DNAJC6: variants seen among roughly 807,000 people sequenced by gnomAD.
DNAJC6 encodes DnaJ heat shock protein family (Hsp40) member C6.
DNAJC6 carries 34 observed loss-of-function variants against 110.0 expected under a neutral mutation model. The ratio of observed to expected loss-of-function variants is 0.31; its 90% CI spans 0.24 to 0.41. DNAJC6 has a LOEUF of 0.41. Ranked by LOEUF, DNAJC6 falls within the 10% of genes least tolerant of loss-of-function variation. The probability of loss-of-function intolerance (pLI) is 1.00; values close to 1 mark genes in which losing one functional copy is unlikely to be tolerated. For synonymous variants in DNAJC6, 406 were observed against 437.2 expected (o/e 0.93, Z 0.89); for missense variants, 1,031 against 1,207.8 (o/e 0.85, Z 2.17).
intron 1 of DNAJC6, among the ~76,000 whole-genome samples, chr1:65,352,169 T>C (rs909623309): frequency 1.3e-5 from 2 of 152,228 alleles, no homozygotes; most frequent in Non-Finnish European, 2.9e-5. Flanking sequence ...GGAAGTCATT[T>C]TATTTTCCTG....
In DNAJC6 at chr1:65,380,911, G is replaced by GTTTTTTTTTTTTTTTTTTTTTT. The variant is rs1312055301; in HGVS notation, c.666+1391_666+1392insTTTTTTTTTTTTTTTTTTTTTT. Among the ~76,000 whole-genome samples the GTTTTTTTTTTTTTTTTTTTTTT allele has an allele frequency of 5.5e-4, 63 of 114,882 alleles. 7 individuals carry two copies. The highest frequency in any genetic ancestry group is 2.1e-3 in the African/African-American group (49 of 23,290). 75.4% of individuals were successfully genotyped at this position (114,882 alleles called of 152,430 possible). The stretch of plus-strand genomic sequence containing the variant: ...GGGAGTTTTTTTTTTTTTGTTTTTT[G>GTTTTTTTTTTTTTTTTTTTTTT]TTTTGTTTTGTTTTTTTTTTTTTTT... On this transcript the variant is annotated intron_variant, in intron 5 of 18. Coordinates refer to ENST00000371069, the MANE Select transcript of DNAJC6 (RefSeq NM_001256864.2).
intron 1 of DNAJC6, among the ~76,000 whole-genome samples, chr1:65,322,348 G>T (rs184764797): frequency 8.2e-4 from 125 of 152,162 alleles, no homozygotes; most frequent in Non-Finnish European, 1.5e-3. Context: ...CACAGACATG[G>T]ATTCTTGCAT....
intron 1 of DNAJC6, among the ~76,000 whole-genome samples, chr1:65,296,973 G>C (rs1022559385): frequency 2.0e-5 from 3 of 152,202 alleles, no homozygotes; most frequent in Non-Finnish European, 4.4e-5. Context: ...GGAGCTTACA[G>C]TCTGGTGTGG....
chr1:65,365,786 A>T, intron 2 of DNAJC6, 99 bp from the exon 3 acceptor site: 1 of 1,317,944 alleles, frequency 7.6e-7, no homozygotes, highest in Non-Finnish European at 1.1e-6. Flanking sequence ...TGCCCCCTGG[A>T]CAGCGGTGTC....
intron 10 of DNAJC6, 40 bp from the exon 11 acceptor site, chr1:65,389,507 C>G (rs761176258): frequency 6.2e-7 from 1 of 1,613,684 alleles, no homozygotes; most frequent in Non-Finnish European, 8.5e-7. Flanking sequence ...TATTTATTTC[C>G]TGTGTCTCAT....
intron 1 of DNAJC6, among the ~76,000 whole-genome samples, chr1:65,274,683 T>A (rs541267341): frequency 6.6e-6 from 1 of 152,334 alleles, no homozygotes; most frequent in East Asian, 1.9e-4. Context: ...ATAAGTGAAT[T>A]TTTAAAAATC....
intron 1 of DNAJC6, among the ~76,000 whole-genome samples, chr1:65,302,268 A>AATGT (rs1211859929): frequency 2.0e-4 from 4 of 19,850 alleles, no homozygotes; most frequent in Non-Finnish European, 3.4e-4. Context: ...TATATATATT[A>AATGT]TATATTATAT....
intron 1 of DNAJC6, among the ~76,000 whole-genome samples, chr1:65,311,325 A>G (rs1645099387): frequency 7.0e-6 from 1 of 143,642 alleles, no homozygotes; most frequent in South Asian, 2.2e-4. Flanking sequence ...CCCGGGTTCA[A>G]GCGATTCTCC....
chr1:65,415,295 AT>A lies in DNAJC6; in HGVS notation c.*2273del. On this transcript the variant is annotated 3_prime_UTR_variant, in exon 19 of 19. Coordinates refer to ENST00000371069, the MANE Select transcript of DNAJC6 (RefSeq NM_001256864.2). Reference sequence around the variant, plus strand: ...AAAAATATTTGTATAAATCTAAGTTATTTGGGTACTTGTAGGAATACAATGA... The same window carrying A: ...AAAAATATTTGTATAAATCTAAGTTATTGGGTACTTGTAGGAATACAATGA... 6.6e-6 allele frequency: 1 copy of A among 152,328 alleles called. No individual in the cohort carries two copies. Among genetic ancestry groups the A allele is most frequent in the East Asian group, 1.9e-4 (1 of 5,190 alleles). The allele number at this position is 152,328 out of a possible 1,614,324, so 9.4% of individuals were successfully genotyped here. A position where few individuals can be genotyped will look rare whatever the true frequency, so the allele number is the denominator to read the frequency against.
chr1:65,275,899 C>CTTTT (rs34750466), intron 1 of DNAJC6, among the ~76,000 whole-genome samples: 2 of 138,854 alleles, frequency 1.4e-5, no homozygotes, highest in Non-Finnish European at 3.1e-5. Flanking sequence ...CTATTAGATT[C>CTTTT]TTTTTTTTTT....
intron 4 of DNAJC6, among the ~76,000 whole-genome samples, chr1:65,376,852 C>T (rs1645771347): frequency 6.6e-6 from 1 of 152,140 alleles, no homozygotes. Flanking sequence ...TCACTGCAAC[C>T]TCCACCTCCC....
chr1:65,330,433 TGG>T (rs1160958197), intron 1 of DNAJC6, among the ~76,000 whole-genome samples: 1 of 152,170 alleles, frequency 6.6e-6, no homozygotes, highest in African/African-American at 2.4e-5. Flanking sequence ...ATCATAACAG[TGG>T]CTTAAGCAGA....
chr1:65,334,521 C>T (rs1471288293), intron 1 of DNAJC6, among the ~76,000 whole-genome samples: 1 of 152,138 alleles, frequency 6.6e-6, no homozygotes, highest in Non-Finnish European at 1.5e-5. Context: ...AAGCAGTTCC[C>T]AGGTTATTCA....
At chr1:65,388,473 GC>G in intron 9 of DNAJC6, 58 bp downstream of exon 9, 1 of 1,491,472 alleles carries the variant, frequency 6.7e-7, no homozygotes. Flanking sequence ...AAGTGCTGAG[GC>G]TCAATGGCAC....
At position 65,386,878 on chromosome 1, in the gene DNAJC6, T is replaced by C; in HGVS notation, c.1062T>C (p.Val354=). The change falls in exon 8 of 19, where the codon GTT becomes GTC. Residue 354 remains valine (V), a synonymous_variant. Coordinates refer to ENST00000371069, the MANE Select transcript of DNAJC6 (RefSeq NM_001256864.2). ...ACATCACTGTGCAAGGAGACGTGGTTGTTTCCATGTATCACTTGAGGTCAA... is the reference window on the plus strand; with the variant it reads ...ACATCACTGTGCAAGGAGACGTGGTCGTTTCCATGTATCACTTGAGGTCAA... ...PLNITVQGDV[V]VSMYHLRSTI... The C allele has an allele frequency of 3.1e-6, 5 of 1,614,174 alleles. No individual in the cohort carries two copies. The highest frequency in any genetic ancestry group is 4.2e-6 in the Non-Finnish European group (5 of 1,180,018).
At chr1:65,400,744 A>C (rs921592724) in intron 14 of DNAJC6, among the ~76,000 whole-genome samples, 1 of 152,200 alleles carries the variant, frequency 6.6e-6, no homozygotes, top group Non-Finnish European at 1.5e-5. Context: ...ATGGACACTT[A>C]GGTTGATTCC....
intron 14 of DNAJC6, among the ~76,000 whole-genome samples, chr1:65,400,400 T>C (rs1570376573): frequency 6.6e-6 from 1 of 152,220 alleles, no homozygotes; most frequent in African/African-American, 2.4e-5. Context: ...AGAGTCACTA[T>C]GCTGTACAAT....
intron 1 of DNAJC6, among the ~76,000 whole-genome samples, chr1:65,288,326 G>A (rs1654087998): frequency 6.6e-6 from 1 of 152,122 alleles, no homozygotes; most frequent in Non-Finnish European, 1.5e-5. Flanking sequence ...GTTTTAAAAG[G>A]TTTGAAAGAA....
At chr1:65,357,914 C>T (rs1224358865) in intron 1 of DNAJC6, among the ~76,000 whole-genome samples, 1 of 152,158 alleles carries the variant, frequency 6.6e-6, no homozygotes, top group African/African-American at 2.4e-5. Context: ...CACGGTGGCT[C>T]ATGCCTGTAA....
Sources: gnomAD v4.1 joint callset for allele counts (sites outside exome capture counted in the v4.1 genomes callset) on GRCh38, gnomAD v4.1.1 for gene constraint, MANE v1.5 for transcripts, NCBI Gene and HGNC (gene_info 2026-07-23, HGNC 2026-07-21) for gene names.